Variants in ATP1B3 observed in about 807,000 individuals in gnomAD.
ATP1B3 encodes ATPase Na+/K+ transporting subunit beta 3.
ATP1B3 carries 10 observed loss-of-function variants against 30.2 expected under a neutral mutation model. That is an observed-to-expected ratio of 0.33 (90% CI 0.20 to 0.56). The LOEUF (loss-of-function observed/expected upper bound fraction) is 0.56. Among genes scored for constraint, ATP1B3 ranks in the 20% least tolerant of loss-of-function variants. ATP1B3 has a pLI of 0.90. For missense variants in ATP1B3, 238 were observed against 336.7 expected, an observed-to-expected ratio of 0.71 and a Z score of 2.29; for synonymous variants, 113 against 117.0, an observed-to-expected ratio of 0.97 and a Z score of 0.22.
intron 1 of ATP1B3, among the ~76,000 whole-genome samples, chr3:141,901,203 A>C (rs561336377): frequency 6.6e-6 from 1 of 152,316 alleles, no homozygotes; most frequent in South Asian, 2.1e-4. Flanking sequence ...TGCTTACATC[A>C]AGTAGCACTG....
chr3:141,897,381 T>C (rs527858984), intron 1 of ATP1B3, among the ~76,000 whole-genome samples: 1 of 152,310 alleles, frequency 6.6e-6, no homozygotes, highest in South Asian at 2.1e-4. Flanking sequence ...ACTGAACTCT[T>C]GTAGAGAAGC....
chr3:141,890,765 G>A (rs1015200091), intron 1 of ATP1B3, among the ~76,000 whole-genome samples: 1 of 151,682 alleles, frequency 6.6e-6, no homozygotes, highest in African/African-American at 2.4e-5. Flanking sequence ...TAGAGACTGG[G>A]TTTTGCCATG....
chr3:141,879,793 T>TA (rs1933686464), intron 1 of ATP1B3, among the ~76,000 whole-genome samples: 2 of 66,676 alleles, frequency 3.0e-5, no homozygotes, highest in African/African-American at 6.9e-5. Flanking sequence ...AAAAAAACCT[T>TA]ACAGTTTTTG....
intron 1 of ATP1B3, among the ~76,000 whole-genome samples, chr3:141,882,460 G>T (rs1933745926): frequency 6.6e-6 from 1 of 152,122 alleles, no homozygotes; most frequent in African/African-American, 2.4e-5. Flanking sequence ...TGTGCTGGAG[G>T]TGTCCTTGGG....
intron 1 of ATP1B3, among the ~76,000 whole-genome samples, chr3:141,879,259 C>G (rs1035404096): frequency 2.0e-5 from 3 of 152,036 alleles, no homozygotes; most frequent in Admixed American, 2.0e-4. Context: ...CCTATATTCA[C>G]CCTTTTCATG....
chr3:141,887,643 C>T (rs1190406749), intron 1 of ATP1B3, among the ~76,000 whole-genome samples: 2 of 152,144 alleles, frequency 1.3e-5, no homozygotes, highest in Non-Finnish European at 2.9e-5. Flanking sequence ...CATAATAGTT[C>T]CAAACTGGGA....
At chr3:141,896,314 CA>C (rs545571151) in intron 1 of ATP1B3, among the ~76,000 whole-genome samples, 35 of 143,782 alleles carry the variant, frequency 2.4e-4, no homozygotes, top group Admixed American at 4.2e-4. Flanking sequence ...AGTAAAATTA[CA>C]AAAAAAAAAA....
chr3:141,893,256 G>T (rs1933993121), intron 1 of ATP1B3, among the ~76,000 whole-genome samples: 1 of 152,020 alleles, frequency 6.6e-6, no homozygotes, highest in African/African-American at 2.4e-5. Context: ...CTATCCACCC[G>T]CCTTGGCCTC....
At chr3:141,879,811 CT>C (rs150389395) in intron 1 of ATP1B3, among the ~76,000 whole-genome samples, 659 of 57,934 alleles carry the variant, frequency 0.011, 9 homozygotes, top group African/African-American at 0.032. Flanking sequence ...TTGGTAACAG[CT>C]TTTTTTTTTT....
chr3:141,915,952 A>G lies in ATP1B3; in HGVS notation c.532-18A>G. On this transcript the variant is annotated intron_variant, in intron 4 of 6. Coordinates refer to ENST00000286371, the MANE Select transcript of ATP1B3 (RefSeq NM_001679.4). ...TACTTACGTGAAGTTTAAATTTATCACTATTTCTTAACCTTAGATAATTGG... is the reference window on the plus strand; with the variant it reads ...TACTTACGTGAAGTTTAAATTTATCGCTATTTCTTAACCTTAGATAATTGG... 1 of 1,587,366 alleles carries G rather than the reference A, an allele frequency of 6.3e-7. No homozygotes were observed. The highest frequency in any genetic ancestry group is 8.6e-7 in the Non-Finnish European group (1 of 1,164,832).
rs373257268 is a variant in ATP1B3, at chr3:141,894,801, TAGA to T, written c.110-8816_110-8814del. 8.5e-4 allele frequency among the ~76,000 whole-genome samples: 130 copies of T among 152,310 alleles called. 1 individual carries two copies. The highest frequency in any genetic ancestry group is 3.0e-3 in the African/African-American group (123 of 41,562). On this transcript the variant is annotated intron_variant, in intron 1 of 6. Transcript: ENST00000286371. ...GGCTTTTTACAGTTAACTTTGTAAG[TAGA>T]AGGAGTACACTATAAAATAACAACA...
At chr3:141,921,927 A>C in intron 5 of ATP1B3, 50 bp from the exon 6 acceptor site, 1 of 1,049,232 alleles carries the variant, frequency 9.5e-7, no homozygotes, top group Non-Finnish European at 1.4e-6. Flanking sequence ...CATAGTTTTT[A>C]CAAATTCTTT....
intron 1 of ATP1B3, among the ~76,000 whole-genome samples, chr3:141,877,342 C>T (rs981919611): frequency 2.0e-5 from 3 of 152,148 alleles, no homozygotes; most frequent in Admixed American, 6.5e-5. Flanking sequence ...CTGAGCGGTT[C>T]GGAGAAGCCA....
intron 3 of ATP1B3, 104 bp from the exon 4 acceptor site, chr3:141,913,548 G>A (rs1934405038): frequency 2.1e-6 from 2 of 954,164 alleles, no homozygotes; most frequent in African/African-American, 3.4e-5. Context: ...AATTTACATT[G>A]CTGTTTTTGT....
chr3:141,922,403 A>T (rs950021697), intron 6 of ATP1B3, among the ~76,000 whole-genome samples: 3 of 152,068 alleles, frequency 2.0e-5, no homozygotes, highest in African/African-American at 7.3e-5. Context: ...CTGTAATCAC[A>T]GCACTTTGAG....
At chr3:141,912,646 A>G (rs1934387601) in intron 3 of ATP1B3, among the ~76,000 whole-genome samples, 1 of 152,160 alleles carries the variant, frequency 6.6e-6, no homozygotes, top group Non-Finnish European at 1.5e-5. Context: ...GCACTGTTAT[A>G]TCATATGTTA....
At chr3:141,885,169 G>T (rs1050157098) in intron 1 of ATP1B3, among the ~76,000 whole-genome samples, 4 of 152,086 alleles carry the variant, frequency 2.6e-5, no homozygotes, top group Non-Finnish European at 4.4e-5. Context: ...AAATTGTGCC[G>T]GTGCTATTCA....
Position 141,926,539 on chromosome 3 carries a change from T to C in ATP1B3, c.*838T>C, listed in dbSNP as rs1353386898. 2 of 152,194 alleles carry C rather than the reference T, an allele frequency of 1.3e-5. No homozygotes were observed. Among genetic ancestry groups the C allele is most frequent in the Non-Finnish European group, 2.9e-5 (2 of 68,044 alleles). 9.4% of individuals were successfully genotyped at this position (152,194 alleles called of 1,614,324 possible). On this transcript the variant is annotated 3_prime_UTR_variant, in exon 7 of 7. Transcript: ENST00000286371. The stretch of plus-strand genomic sequence containing the variant: ...TAAAAACTTGGAACTTATTCAAAGC[T>C]TCAAAGCAAACAACAGTTTTGTGTA...
At chr3:141,915,464 G>C (rs2107777456) in intron 4 of ATP1B3, among the ~76,000 whole-genome samples, 1 of 152,294 alleles carries the variant, frequency 6.6e-6, no homozygotes, top group African/African-American at 2.4e-5. Context: ...TACACGAAAG[G>C]AGTCTTAAAA....
Sources: allele counts gnomAD v4.1 joint callset (sites outside exome capture counted in the v4.1 genomes callset), GRCh38; gene constraint gnomAD v4.1.1; transcripts MANE v1.5; gene names NCBI Gene and HGNC (gene_info 2026-07-23, HGNC 2026-07-21).